Variants in TTYH3 observed in about 807,000 individuals in gnomAD.
TTYH3 encodes protein tweety homolog 3.
A neutral mutation model predicts 68.2 loss-of-function variants in TTYH3; 23 were observed. The observed-to-expected ratio is 0.34, with a 90% CI of 0.24 to 0.48. The LOEUF (loss-of-function observed/expected upper bound fraction) is 0.48. TTYH3 is among the 20% of genes least tolerant of loss of function. TTYH3 has a pLI of 0.99. For synonymous variants in TTYH3, 360 were observed against 332.8 expected (o/e 1.08, Z -0.89); for missense variants, 768 against 727.7 (o/e 1.06, Z -0.64).
rs953373697 is a variant in TTYH3, at chr7:2,656,104, C to T, written c.1033C>T (p.Arg345Cys). The change falls in exon 10 of 14, where the codon CGC becomes TGC. Residue 345 changes from arginine to cysteine, a missense_variant. Arg to Cys is a radical substitution (Grantham distance 180). Transcript: ENST00000258796. ...GCGTGCCCCCCAGGACCCCCTCCTC[C>T]GCGTCCAGGAGGTGCTGAATGGCAC... The part of the protein sequence containing the change: ...EQPATKDPLL[R>C]VQEVLNGTEV... 62 of 1,553,228 alleles carry T rather than the reference C, an allele frequency of 4.0e-5. No homozygotes were observed. Among genetic ancestry groups the T allele is most frequent in the Admixed American group, 7.6e-5 (4 of 52,324 alleles).
intron 13 of TTYH3, 23 bp from the exon 14 acceptor site, chr7:2,661,645 G>GCCTCCCCCTTGTCTC: frequency 1.2e-6 from 2 of 1,609,680 alleles, no homozygotes; most frequent in Non-Finnish European, 1.7e-6. Flanking sequence ...CCCTGCTGAT[G>GCCTCCCCCTTGTCTC]CCTCCCCCTT....
rs757747971 is a variant in TTYH3 at position 2,646,963 on chromosome 7, C to T, written c.234C>T (p.His78=). 6.3e-7 allele frequency: 1 copy of T among 1,598,512 alleles called. No homozygotes were observed. Among genetic ancestry groups the T allele is most frequent in the Non-Finnish European group, 8.5e-7 (1 of 1,177,124 alleles). Residue 78 remains histidine (H), a synonymous_variant, in exon 2 of 14, where the codon CAC becomes CAT. Transcript: ENST00000258796. ...LCCRRRKSEE[H]LDADCCCTAW... ...GCCGGCGGCGCAAGAGCGAGGAGCACCTGGACGCCGACTGCTGCTGCACGG... is the reference window on the plus strand; with the variant it reads ...GCCGGCGGCGCAAGAGCGAGGAGCATCTGGACGCCGACTGCTGCTGCACGG...
At chr7:2,643,578 C>T (rs1785908976) in intron 1 of TTYH3, among the ~76,000 whole-genome samples, 2 of 152,236 alleles carry the variant, frequency 1.3e-5, no homozygotes. Flanking sequence ...TGCCCACTGC[C>T]CCTGGGCATC....
intron 5 of TTYH3, among the ~76,000 whole-genome samples, chr7:2,649,277 G>C (rs958455727): frequency 6.6e-6 from 1 of 152,114 alleles, no homozygotes; most frequent in Non-Finnish European, 1.5e-5. Flanking sequence ...ACTGTTGCCT[G>C]TTCAGGAGAG....
chr7:2,633,814 C>G (rs1309041899), intron 1 of TTYH3, among the ~76,000 whole-genome samples: 1 of 152,216 alleles, frequency 6.6e-6, no homozygotes, highest in African/African-American at 2.4e-5. Flanking sequence ...TGGGCTGCCA[C>G]CTGCCCGAGC....
In TTYH3 at chr7:2,632,163, G is replaced by A. The variant is rs1399540808; in HGVS notation, c.8G>A (p.Gly3Glu). 1.4e-6 allele frequency: 2 copies of A among 1,462,624 alleles called. No individual in the cohort carries two copies. Among genetic ancestry groups the A allele is most frequent in the Non-Finnish European group, 1.8e-6 (2 of 1,096,972 alleles). The allele number at this position is 1,462,624 out of a possible 1,614,324, so 90.6% of individuals were successfully genotyped here. MA[G>E]VSYAAPWWVS... Reference sequence around the variant, plus strand: ...AGGCGGCCGGGCCCCGCCATGGCCGGGGTCAGCTACGCGGCGCCCTGGTGG... The same window carrying A: ...AGGCGGCCGGGCCCCGCCATGGCCGAGGTCAGCTACGCGGCGCCCTGGTGG... Residue 3 changes from glycine (G) to glutamate (E), a missense_variant, in exon 1 of 14, where the codon GGG (glycine) becomes GAG (glutamate). Gly to Glu is a moderately conservative substitution (Grantham distance 98). Coordinates refer to ENST00000258796, the MANE Select transcript of TTYH3 (RefSeq NM_025250.3).
intron 1 of TTYH3, among the ~76,000 whole-genome samples, chr7:2,643,315 A>G (rs1326905703): frequency 6.7e-6 from 1 of 148,778 alleles, no homozygotes; most frequent in Non-Finnish European, 1.5e-5. Context: ...AGATGGCGCC[A>G]CTGCACTCCA....
chr7:2,640,098 C>T (rs958773662), intron 1 of TTYH3, among the ~76,000 whole-genome samples: 17 of 152,240 alleles, frequency 1.1e-4, no homozygotes, highest in Admixed American at 1.3e-4. Flanking sequence ...TCTTCGCTTC[C>T]CTCCCTGCTC....
Position 2,646,913 on chromosome 7 carries a change from C to T in TTYH3, c.184C>T (p.Leu62Phe). ...ACLALDLLFL[L>F]FYSFWLCCRR... ...CCTCGCCCTGGACCTCCTCTTCCTG[C>T]TCTTCTACTCCTTCTGGCTGTGCTG... is the stretch of plus-strand genomic sequence containing the variant. The change falls in exon 2 of 14, where the codon CTC (leucine) becomes TTC (phenylalanine). Residue 62 changes from leucine (L) to phenylalanine (F), a missense_variant. Transcript: ENST00000258796. 1.2e-6 allele frequency: 2 copies of T among 1,600,272 alleles called. No individual in the cohort carries two copies. Among genetic ancestry groups the T allele is most frequent in the Non-Finnish European group, 1.7e-6 (2 of 1,179,422 alleles).
chr7:2,649,213 C>A (rs1786090932), intron 5 of TTYH3, among the ~76,000 whole-genome samples: 1 of 152,112 alleles, frequency 6.6e-6, no homozygotes, highest in African/African-American at 2.4e-5. Flanking sequence ...CGTTATCAGG[C>A]CCCTTGGGCT....
rs1786554189 is a variant in TTYH3, at chr7:2,663,846, T to C, written c.*2107T>C. ...TGTGTGCCCGTCTGTGACTTTCTAC[T>C]CACCAAGGTTGAAGAAAGGAAACGG... is the stretch of plus-strand genomic sequence containing the variant. On this transcript the variant is annotated 3_prime_UTR_variant, in exon 14 of 14. Coordinates refer to ENST00000258796, the MANE Select transcript of TTYH3 (RefSeq NM_025250.3). 6.6e-6 allele frequency: 1 copy of C among 152,508 alleles called. No individual in the cohort carries two copies. Among genetic ancestry groups the C allele is most frequent in the Non-Finnish European group, 1.5e-5 (1 of 68,028 alleles). The allele number at this position is 152,508 out of a possible 1,614,324, so 9.4% of individuals were successfully genotyped here. A position where few individuals can be genotyped will look rare whatever the true frequency, so the allele number is the denominator to read the frequency against.
intron 13 of TTYH3, chr7:2,660,081 C>G: frequency 3.1e-6 from 4 of 1,286,524 alleles, no homozygotes; most frequent in Non-Finnish European, 3.1e-6. Context: ...GGCCACCCGC[C>G]TGCGCCTCCC....
Position 2,661,797 on chromosome 7 carries a change from G to T in TTYH3, c.*58G>T. 1.3e-6 allele frequency: 2 copies of T among 1,547,146 alleles called. No homozygotes were observed. Among genetic ancestry groups the T allele is most frequent in the South Asian group, 2.3e-5 (2 of 85,954 alleles). On this transcript the variant is annotated 3_prime_UTR_variant, in exon 14 of 14. Transcript: ENST00000258796. Reference sequence around the variant, plus strand: ...AACTTCCCCTCCCCGTGCCAGCACTGCCGCTTCCACCTGGGCCACCCACCG... The same window carrying T: ...AACTTCCCCTCCCCGTGCCAGCACTTCCGCTTCCACCTGGGCCACCCACCG...
intron 1 of TTYH3, among the ~76,000 whole-genome samples, chr7:2,634,759 C>T (rs1321270452): frequency 6.6e-6 from 1 of 152,106 alleles, no homozygotes; most frequent in Non-Finnish European, 1.5e-5. Flanking sequence ...TTCCCACAGC[C>T]CCAGGAGGTG....
chr7:2,638,771 TG>T (rs1367276517), intron 1 of TTYH3, among the ~76,000 whole-genome samples: 2 of 152,184 alleles, frequency 1.3e-5, no homozygotes, highest in African/African-American at 4.8e-5. Context: ...GAGTGTGCTA[TG>T]GGTAGGGGCT....
intron 13 of TTYH3, chr7:2,660,466 G>A (rs1786464654): frequency 2.0e-6 from 2 of 985,312 alleles, no homozygotes; most frequent in South Asian, 9.4e-5. Context: ...GTGCCGGCGA[G>A]CACGTGAGCT....
At position 2,664,547 on chromosome 7, in the gene TTYH3, C is replaced by T. The variant is rs560507879; in HGVS notation, c.*2808C>T. 3 of 152,256 alleles carry T rather than the reference C, an allele frequency of 2.0e-5. No individual in the cohort carries two copies. In the East Asian group the frequency reaches 5.8e-4, roughly 29 times the overall value. 9.4% of individuals were successfully genotyped at this position (152,256 alleles called of 1,614,324 possible). ...CCCCGGCCTGGGCATCTGACCTCCCCCACCCCAGTGTGATTTAACATCCAG... is the reference window on the plus strand; with the variant it reads ...CCCCGGCCTGGGCATCTGACCTCCCTCACCCCAGTGTGATTTAACATCCAG... On this transcript the variant is annotated 3_prime_UTR_variant, in exon 14 of 14. Coordinates refer to ENST00000258796, the MANE Select transcript of TTYH3 (RefSeq NM_025250.3).
intron 9 of TTYH3, among the ~76,000 whole-genome samples, chr7:2,655,440 C>T (rs554267942): frequency 6.6e-6 from 1 of 152,378 alleles, no homozygotes; most frequent in East Asian, 1.9e-4. Flanking sequence ...GCCACCGCTC[C>T]CGGCCCCAAA....
intron 13 of TTYH3, among the ~76,000 whole-genome samples, chr7:2,660,877 A>G (rs574620850): frequency 2.6e-5 from 4 of 152,312 alleles, no homozygotes; most frequent in East Asian, 1.9e-4. Flanking sequence ...TGCCTCGCAC[A>G]TGTGGGTTTC....
Sources: allele counts gnomAD v4.1 joint callset (sites outside exome capture counted in the v4.1 genomes callset), GRCh38; gene constraint gnomAD v4.1.1; transcripts MANE v1.5; gene names NCBI Gene and HGNC (gene_info 2026-07-23, HGNC 2026-07-21).